CSMD1: variants seen among roughly 807,000 people sequenced by gnomAD.
The protein encoded by CSMD1 is CUB and Sushi multiple domains 1.
CSMD1 carries 213 observed loss-of-function variants against 417.5 expected under a neutral mutation model. The observed-to-expected ratio is 0.51, with a 90% CI of 0.46 to 0.57. The LOEUF is 0.57. Among genes scored for constraint, CSMD1 ranks in the 20% least tolerant of loss-of-function variants. The probability of loss-of-function intolerance (pLI) is 0.00; values close to 1 mark genes in which losing one functional copy is unlikely to be tolerated. For missense variants in CSMD1, 6,923 were observed against 4,529.7 expected (o/e 1.53, Z -15.17); for synonymous variants, 2,862 against 1,736.8 (o/e 1.65, Z -16.11).
intron 1 of CSMD1, among the ~76,000 whole-genome samples, chr8:4,855,881 A>G (rs1185910697): frequency 6.6e-6 from 1 of 150,614 alleles, no homozygotes; most frequent in Admixed American, 6.6e-5. Flanking sequence ...CTAGCAAGGC[A>G]GGCCAACGTT....
At chr8:4,783,976 G>T (rs1054259328) in intron 1 of CSMD1, among the ~76,000 whole-genome samples, 1 of 152,186 alleles carries the variant, frequency 6.6e-6, no homozygotes, top group African/African-American at 2.4e-5. Flanking sequence ...GATTGGATGA[G>T]GTGCATGGCT....
At chr8:4,514,106 G>C (rs891777037) in intron 2 of CSMD1, among the ~76,000 whole-genome samples, 3 of 152,032 alleles carry the variant, frequency 2.0e-5, no homozygotes. Context: ...CAGTTCTAGA[G>C]GCTGAAGTTC....
chr8:4,265,944 C>A (rs1804203864), intron 3 of CSMD1, among the ~76,000 whole-genome samples: 1 of 103,536 alleles, frequency 9.7e-6, no homozygotes, highest in African/African-American at 2.6e-5. Context: ...GCCCAGGAGA[C>A]GGGGAACCAT....
intron 2 of CSMD1, among the ~76,000 whole-genome samples, chr8:4,635,105 A>C (rs999001849): frequency 6.6e-6 from 1 of 152,200 alleles, no homozygotes; most frequent in Non-Finnish European, 1.5e-5. Context: ...TATTTCAAAC[A>C]AAAAATTGTC....
intron 2 of CSMD1, among the ~76,000 whole-genome samples, chr8:4,502,002 C>G (rs1018885263): frequency 1.3e-5 from 2 of 152,078 alleles, no homozygotes; most frequent in African/African-American, 4.8e-5. Context: ...GCATGCAAGA[C>G]TCAGGCTCTA....
intron 49 of CSMD1, among the ~76,000 whole-genome samples, chr8:3,060,148 C>A (rs568338417): frequency 2.1e-5 from 3 of 141,876 alleles, no homozygotes; most frequent in African/African-American, 7.8e-5. Flanking sequence ...AAATTACTAA[C>A]AACTTTTTTT....
intron 2 of CSMD1, among the ~76,000 whole-genome samples, chr8:4,427,803 T>C (rs1797649731): frequency 6.6e-6 from 1 of 152,174 alleles, no homozygotes; most frequent in Non-Finnish European, 1.5e-5. Flanking sequence ...GTATAACCCA[T>C]ACAAATATAT....
At chr8:3,996,379 G>C (rs1272054486) in intron 5 of CSMD1, among the ~76,000 whole-genome samples, 4 of 152,090 alleles carry the variant, frequency 2.6e-5, no homozygotes, top group African/African-American at 4.8e-5. Context: ...GAGATCACTT[G>C]AATATCTTTA....
chr8:3,468,988 C>G, intron 11 of CSMD1, 164 bp from the exon 12 acceptor site: 1 of 472,572 alleles, frequency 2.1e-6, no homozygotes. Context: ...TATTAATATT[C>G]AAACATCACT....
At chr8:3,269,450 A>G (rs535092787) in intron 26 of CSMD1, among the ~76,000 whole-genome samples, 3 of 152,350 alleles carry the variant, frequency 2.0e-5, no homozygotes, top group South Asian at 2.1e-4. Flanking sequence ...CATGGGCAGC[A>G]CCAAAGGCCT....
At chr8:3,500,169 C>G (rs1188459096) in intron 10 of CSMD1, among the ~76,000 whole-genome samples, 1 of 152,096 alleles carries the variant, frequency 6.6e-6, no homozygotes, top group Non-Finnish European at 1.5e-5. Context: ...GTTTCCATGC[C>G]TTAGAGGGTC....
chr8:3,614,347 C>A (rs943139031), intron 8 of CSMD1, among the ~76,000 whole-genome samples: 1 of 151,520 alleles, frequency 6.6e-6, no homozygotes, highest in Non-Finnish European at 1.5e-5. Context: ...TCTCCCTACA[C>A]CGCCCCCCGA....
intron 25 of CSMD1, among the ~76,000 whole-genome samples, chr8:3,289,973 G>A (rs1336035098): frequency 6.8e-6 from 1 of 147,558 alleles, no homozygotes; most frequent in Non-Finnish European, 1.5e-5. Context: ...TAACATTTAA[G>A]TCTTTAATCC....
rs1041820365 is a variant in CSMD1 at position 3,359,001 on chromosome 8, C to G, written c.3304+151G>C. 4 of 656,986 alleles carry G rather than the reference C, an allele frequency of 6.1e-6. No homozygotes were observed. The African/African-American group carries it at 7.2e-5, about 12-fold the overall frequency. The allele number at this position is 656,986 out of a possible 1,614,324, so 40.7% of individuals were successfully genotyped here. On this transcript the variant is annotated intron_variant, in intron 21 of 69. Transcript: ENST00000635120. ...AAGCCCAGAGCAGTTAGGCAGCTCC[C>G]CTCTCCCCTGGTTGGCAGAGTGGAG...
intron 3 of CSMD1, among the ~76,000 whole-genome samples, chr8:4,181,739 T>G (rs1474079814): frequency 6.6e-6 from 1 of 150,628 alleles, no homozygotes; most frequent in East Asian, 2.0e-4. Context: ...TAAAACAAAA[T>G]AAACAACAAT....
intron 5 of CSMD1, among the ~76,000 whole-genome samples, chr8:3,929,703 C>T (rs1810007836): frequency 6.7e-6 from 1 of 149,754 alleles, no homozygotes; most frequent in Non-Finnish European, 1.5e-5. Flanking sequence ...ACTCTGTCTC[C>T]CAGGCTGGAG....
At chr8:4,156,818 C>G (rs1396873541) in intron 3 of CSMD1, among the ~76,000 whole-genome samples, 1 of 152,118 alleles carries the variant, frequency 6.6e-6, no homozygotes, top group Non-Finnish European at 1.5e-5. Flanking sequence ...CAGCGAGCAG[C>G]AAGTACTATG....
chr8:3,993,996 G>T (rs962080591), intron 5 of CSMD1, among the ~76,000 whole-genome samples: 3 of 152,166 alleles, frequency 2.0e-5, no homozygotes, highest in African/African-American at 7.2e-5. Context: ...AAACTGCAAG[G>T]GGATGGGCGT....
At chr8:4,774,506 A>C (rs997028935) in intron 1 of CSMD1, among the ~76,000 whole-genome samples, 2 of 152,218 alleles carry the variant, frequency 1.3e-5, no homozygotes, top group African/African-American at 2.4e-5. Context: ...TAGGAAATAA[A>C]GTACTTTATA....
Sources: gnomAD v4.1 joint callset for allele counts (sites outside exome capture counted in the v4.1 genomes callset) on GRCh38, gnomAD v4.1.1 for gene constraint, MANE v1.5 for transcripts, NCBI Gene and HGNC (gene_info 2026-07-23, HGNC 2026-07-21) for gene names.